The following PHIP variants were observed in gnomAD, a reference collection of about 807,000 sequenced individuals.
The protein encoded by PHIP is PH-interacting protein.
Under a neutral mutation model 236.8 loss-of-function variants are expected in PHIP, and 54 were observed. That is an observed-to-expected ratio of 0.23 (90% CI 0.18 to 0.29). The LOEUF is 0.29. Among genes scored for constraint, PHIP ranks in the 10% least tolerant of loss-of-function variants. PHIP has a pLI of 1.00. For missense variants in PHIP, 1,370 were observed against 2,190.8 expected (o/e 0.63, Z 7.48); for synonymous variants, 756 against 718.9 (o/e 1.05, Z -0.83).
intron 31 of PHIP, among the ~76,000 whole-genome samples, chr6:78,958,893 G>A (rs577514594): frequency 2.0e-5 from 3 of 152,194 alleles, no homozygotes; most frequent in African/African-American, 4.8e-5. Flanking sequence ...CAGGAGAGTA[G>A]AAAGGGGAGA....
At chr6:79,067,065 T>A (rs955621075) in intron 4 of PHIP, among the ~76,000 whole-genome samples, 1 of 152,202 alleles carries the variant, frequency 6.6e-6, no homozygotes, top group Admixed American at 6.5e-5. Flanking sequence ...TTATTTTATT[T>A]TTTTAGATAC....
chr6:78,970,269 C>T, intron 25 of PHIP, 96 bp from the exon 26 acceptor site: 2 of 1,034,440 alleles, frequency 1.9e-6, no homozygotes. Flanking sequence ...TGGTTTAAAT[C>T]TTGATCTGGA....
At chr6:79,031,001 T>C (rs1582253259) in intron 7 of PHIP, among the ~76,000 whole-genome samples, 1 of 152,182 alleles carries the variant, frequency 6.6e-6, no homozygotes, top group Admixed American at 6.5e-5. Context: ...TGGAGTATTG[T>C]AGTGCGATCT....
intron 6 of PHIP, among the ~76,000 whole-genome samples, chr6:79,050,675 A>C (rs1027362609): frequency 2.6e-5 from 4 of 152,176 alleles, no homozygotes; most frequent in African/African-American, 9.6e-5. Context: ...AGCAGTAGGA[A>C]AACTCTAAAA....
rs1424278788 is a variant in PHIP, at chr6:78,978,705, C to A, written c.2776G>T (p.Ala926Ser). ...CCATTTTCAGTTAGTTCTCCCACAG[C>A]CAATCTCTGACAAAATTTAAGTAAT... ...KPKERKQKRL[A>S]VGELTENGLT... Residue 926 changes from alanine (A) to serine (S), a missense_variant, in exon 24 of 40, where the codon GCT (alanine) becomes TCT (serine). By Grantham distance (99) the Ala-to-Ser change is moderately conservative. Around this residue, in one of 14 missense-constraint regions of PHIP, gnomAD observed 76 missense variants for 76.4 expected, o/e 0.99. Coordinates refer to ENST00000275034, the MANE Select transcript of PHIP (RefSeq NM_017934.7). The A allele has an allele frequency of 1.9e-6, 3 of 1,592,544 alleles. No individual in the cohort carries two copies. In the South Asian group the frequency reaches 3.4e-5, roughly 18 times the overall value.
At chr6:79,046,808 G>A (rs765189151) in intron 6 of PHIP, among the ~76,000 whole-genome samples, 21 of 151,734 alleles carry the variant, frequency 1.4e-4, no homozygotes, top group East Asian at 7.8e-4. Flanking sequence ...CCCCGGAGAC[G>A]GAGGTTGCCA....
chr6:79,008,818 T>G (rs1293892262), intron 15 of PHIP, among the ~76,000 whole-genome samples: 1 of 152,148 alleles, frequency 6.6e-6, no homozygotes, highest in South Asian at 2.1e-4. Context: ...TTATTACAAA[T>G]GAACTGAATA....
intron 17 of PHIP, among the ~76,000 whole-genome samples, chr6:78,999,288 TATAAAG>T (rs1250988486): frequency 1.3e-5 from 2 of 152,172 alleles, no homozygotes; most frequent in African/African-American, 4.8e-5. Context: ...ATATTCCCAC[TATAAAG>T]ATAAACATGA....
At chr6:78,995,052 T>C (rs1582189599) in intron 19 of PHIP, among the ~76,000 whole-genome samples, 1 of 152,336 alleles carries the variant, frequency 6.6e-6, no homozygotes, top group Admixed American at 6.5e-5. Flanking sequence ...TATGCCTGTA[T>C]CTTAGCAACC....
chr6:79,013,298 G>A lies in PHIP; in HGVS notation c.1524+1784C>T, dbSNP rs147840382. ...AGTATCTTTATTTTAATGAGATGAA[G>A]GGTGGCTCACTTTCTGTTTTTTAGC... On this transcript the variant is annotated intron_variant, in intron 15 of 39. Transcript: ENST00000275034. 6.4e-3 allele frequency among the ~76,000 whole-genome samples: 964 copies of A among 151,758 alleles called. 19 individuals are homozygous for A. Among genetic ancestry groups the A allele is most frequent in the African/African-American group, 0.022 (908 of 41,500 alleles).
chr6:79,036,079 T>C (rs906995072), intron 7 of PHIP, among the ~76,000 whole-genome samples: 3 of 152,220 alleles, frequency 2.0e-5, no homozygotes, highest in African/African-American at 7.2e-5. Flanking sequence ...GAATCTCCTA[T>C]TTACTGGGTA....
intron 17 of PHIP, among the ~76,000 whole-genome samples, chr6:78,998,612 A>G (rs1004350165): frequency 5.3e-5 from 8 of 152,126 alleles, no homozygotes; most frequent in Admixed American, 2.0e-4. Flanking sequence ...GCTAACTTTT[A>G]CTAAGTGTTT....
chr6:78,990,715 A>G (rs563725238), intron 20 of PHIP, among the ~76,000 whole-genome samples, 153 bp downstream of exon 20: 2 of 152,304 alleles, frequency 1.3e-5, no homozygotes, highest in African/African-American at 2.4e-5. Flanking sequence ...TTTAAATAGT[A>G]AACAATAGAT....
chr6:78,981,455 C>T (rs763964384), intron 23 of PHIP, among the ~76,000 whole-genome samples: 1 of 151,920 alleles, frequency 6.6e-6, no homozygotes, highest in South Asian at 2.1e-4. Flanking sequence ...TAAAGTGACC[C>T]ACATAATTCT....
At chr6:78,975,628 C>A (rs372062869) in intron 24 of PHIP, among the ~76,000 whole-genome samples, 1 of 152,104 alleles carries the variant, frequency 6.6e-6, no homozygotes, top group Non-Finnish European at 1.5e-5. Context: ...GAAAACCCCA[C>A]TGTCTCAGCC....
At chr6:78,948,382 C>G (rs190353678) in intron 35 of PHIP, among the ~76,000 whole-genome samples, 287 of 152,078 alleles carry the variant, frequency 1.9e-3, no homozygotes, top group Non-Finnish European at 3.7e-3. Context: ...CAGATTGGAA[C>G]CAATAAAAAC....
In PHIP at chr6:79,077,964, CGGGGGGCGGGGGACCGCGGGCGGA is replaced by C. The variant is rs1774274389; in HGVS notation, c.40+41_41-52del. 2.0e-6 allele frequency: 3 copies of C among 1,512,352 alleles called. No homozygotes were observed. In the African/African-American group the frequency reaches 4.1e-5, roughly 21 times the overall value. 93.7% of individuals were successfully genotyped at this position (1,512,352 alleles called of 1,614,324 possible). ...ACACACAGGCTGAGCGGTCGGGCGG[CGGGGGGCGGGGGACCGCGGGCGGA>C]ATCGCCCGGTGCCAGCGGCCCCGGC... On this transcript the variant is annotated intron_variant, in intron 1 of 39. Transcript: ENST00000275034.
At chr6:78,965,567 A>G in intron 29 of PHIP, 136 bp downstream of exon 29, 1 of 599,024 alleles carries the variant, frequency 1.7e-6, no homozygotes, top group Non-Finnish European at 3.0e-6. Flanking sequence ...AAGGTGTACA[A>G]TAATAAATAT....
At chr6:79,021,057 T>C (rs1001222265) in intron 9 of PHIP, among the ~76,000 whole-genome samples, 1 of 152,188 alleles carries the variant, frequency 6.6e-6, no homozygotes, top group African/African-American at 2.4e-5. Context: ...ATTTGAGTCT[T>C]TGTCATTGCT....
Sources: gnomAD v4.1 joint callset for allele counts (sites outside exome capture counted in the v4.1 genomes callset) on GRCh38, gnomAD v4.1.1 for gene constraint, gnomAD v4.1.1 regional missense constraint, MANE v1.5 for transcripts, NCBI Gene and HGNC (gene_info 2026-07-23, HGNC 2026-07-21) for gene names.